APEX2: variants seen among roughly 807,000 people sequenced by gnomAD.
The protein encoded by APEX2 is apurinic/apyrimidinic endodeoxyribonuclease 2.
In APEX2, 4 loss-of-function variants were observed where a neutral mutation model predicts 16.7. The ratio of observed to expected loss-of-function variants is 0.24; its 90% confidence interval spans 0.12 to 0.55. APEX2 has a LOEUF of 0.55. Among genes scored for constraint, APEX2 ranks in the 20% least tolerant of loss-of-function variants. The pLI, the probability that APEX2 is intolerant of heterozygous loss-of-function variation, is 0.94. For missense variants in APEX2, 357 were observed against 433.6 expected (o/e 0.82, Z 1.57); for synonymous variants, 181 against 166.9 (o/e 1.08, Z -0.65).
chrX:55,002,106 A>T, intron 2 of APEX2, 145 bp from the exon 3 acceptor site: 1 of 529,564 alleles, frequency 1.9e-6, no homozygotes, highest in Non-Finnish European at 2.9e-6. Flanking sequence ...AGGAACTGAG[A>T]CTCCAGGGTT....
In APEX2 at chrX:55,002,942, G is replaced by A; in HGVS notation, c.423-20G>A. 2 of 1,203,379 alleles carry A rather than the reference G, an allele frequency of 1.7e-6. No individual in the cohort carries two copies. Among genetic ancestry groups the A allele is most frequent in the Non-Finnish European group, 2.2e-6 (2 of 890,693 alleles). ...GGAGGTTTGAAACTGACCCCTTTTG[G>A]GGGTTTCTCTTTTCTCCAGCACATG... On this transcript the variant is annotated intron_variant, in intron 3 of 5. Coordinates refer to ENST00000374987, the MANE Select transcript of APEX2 (RefSeq NM_014481.4).
In APEX2 at chrX:55,001,606, G is replaced by C. The variant is rs750440342; in HGVS notation, c.218G>C (p.Ser73Thr). Reference protein sequence around the residue: ...VEGYNSYFSFSRNRSGYSGVA... With the variant: ...VEGYNSYFSFTRNRSGYSGVA... ...GGTTATAACTCCTATTTCAGCTTCA[G>C]CCGCAACCGTAGCGGCTATTCTGGT... Residue 73 changes from serine to threonine, a missense_variant, in exon 2 of 6, where the codon AGC becomes ACC. Coordinates refer to ENST00000374987, the MANE Select transcript of APEX2 (RefSeq NM_014481.4). 8.3e-7 allele frequency: 1 copy of C among 1,204,720 alleles called. No individual in the cohort carries two copies. Among genetic ancestry groups the C allele is most frequent in the East Asian group, 3.0e-5 (1 of 33,548 alleles).
In APEX2 at chrX:55,002,426, G is replaced by T. The variant is rs953155693; in HGVS notation, c.417G>T (p.Lys139Asn). The T allele has an allele frequency of 2.4e-5, 28 of 1,187,783 alleles. No individual in the cohort carries two copies. Among genetic ancestry groups the T allele is most frequent in the Non-Finnish European group, 3.0e-5 (27 of 885,951 alleles). The change falls in exon 3 of 6, where the codon AAG (lysine) becomes AAT (asparagine). Residue 139 changes from lysine to asparagine, a missense_variant. Physicochemically the swap from Lys to Asn is moderately conservative, Grantham distance 94. Coordinates refer to ENST00000374987, the MANE Select transcript of APEX2 (RefSeq NM_014481.4). ...GCAGGGCCCTCCTCACACAGCATAAGATCCGGTAATAGCTCATATCTCCCT... is the reference window on the plus strand; with the variant it reads ...GCAGGGCCCTCCTCACACAGCATAATATCCGGTAATAGCTCATATCTCCCT... ...SEGRALLTQHKIRTWEGKEKT... is the reference protein window; with the variant it reads ...SEGRALLTQHNIRTWEGKEKT...
rs28382681 is a variant in APEX2 at position 55,002,528 on chromosome X, G to A, written c.422+97G>A. The A allele has an allele frequency of 5.2e-4, 527 of 1,012,400 alleles. 4 individuals carry two copies. In the East Asian group the frequency reaches 0.014, roughly 28 times the overall value. 83.4% of individuals were successfully genotyped at this position (1,012,400 alleles called of 1,213,427 possible). A position where few individuals can be genotyped will look rare whatever the true frequency, so the allele number is the denominator to read the frequency against. On this transcript the variant is annotated intron_variant, in intron 3 of 5. Transcript: ENST00000374987. Reference sequence around the variant, plus strand: ...GCCATGTAAACATACATGCACCGTGGAGAAGTTCCCAAATTTGCCTTTCCT... The same window carrying A: ...GCCATGTAAACATACATGCACCGTGAAGAAGTTCCCAAATTTGCCTTTCCT...
chrX:55,007,790 T>C lies in APEX2; in HGVS notation c.*355T>C. On this transcript the variant is annotated 3_prime_UTR_variant, in exon 6 of 6. Transcript: ENST00000374987. ...TGTTTCAGGGTTGCACTTTGGACAT[T>C]GTGGAGGTACTCCATAAAGTTGAGT... The C allele has an allele frequency of 5.7e-6, 1 of 174,918 alleles. No homozygotes were observed. Among genetic ancestry groups the C allele is most frequent in the Non-Finnish European group, 1.1e-5 (1 of 93,408 alleles). 14.4% of individuals were successfully genotyped at this position (174,918 alleles called of 1,213,427 possible). A position where few individuals can be genotyped will look rare whatever the true frequency, so the allele number is the denominator to read the frequency against.
At chrX:55,002,848 A>T in intron 3 of APEX2, 114 bp from the exon 4 acceptor site, 1 of 853,914 alleles carries the variant, frequency 1.2e-6, no homozygotes, top group Non-Finnish European at 1.6e-6. Flanking sequence ...GTGTCTCTTT[A>T]ACCCCTTTCT....
In APEX2 at chrX:55,008,847, C is replaced by A; in HGVS notation, c.*1412C>A. Reference sequence around the variant, plus strand: ...TTTATTGAAACCATTGGAGAAGAGCCATCTCAAATAAATCTGCCAAGTATC... The same window carrying A: ...TTTATTGAAACCATTGGAGAAGAGCAATCTCAAATAAATCTGCCAAGTATC... On this transcript the variant is annotated 3_prime_UTR_variant, in exon 6 of 6. Transcript: ENST00000374987. The A allele has an allele frequency of 4.7e-6, 1 of 215,021 alleles. No individual in the cohort carries two copies. Among genetic ancestry groups the A allele is most frequent in the Non-Finnish European group, 8.4e-6 (1 of 118,346 alleles). 17.7% of individuals were successfully genotyped at this position (215,021 alleles called of 1,213,427 possible).
In APEX2 at chrX:55,007,640, T is replaced by TA. The variant is rs1935525683; in HGVS notation, c.*206dup. 2.1e-5 allele frequency: 8 copies of TA among 376,645 alleles called. No individual in the cohort carries two copies. Among genetic ancestry groups the TA allele is most frequent in the Non-Finnish European group, 3.5e-5 (8 of 228,284 alleles). The allele number at this position is 376,645 out of a possible 1,213,427, so 31.0% of individuals were successfully genotyped here. ...GCCTTAATCCTGTGACCCAGCCCCTTACACCACTTTCCACCTTCCTGTCCG... is the reference window on the plus strand; with the variant it reads ...GCCTTAATCCTGTGACCCAGCCCCTTAACACCACTTTCCACCTTCCTGTCCG... On this transcript the variant is annotated 3_prime_UTR_variant, in exon 6 of 6. Coordinates refer to ENST00000374987, the MANE Select transcript of APEX2 (RefSeq NM_014481.4).
chrX:55,006,865 C>T lies in APEX2; in HGVS notation c.987C>T (p.Leu329=). ...GCCCACCTCTGTGCACCCGCTTCCT[C>T]CCTGAGTTTGCAGGCACCCAGCTCA... The part of the protein sequence containing the change: ...KQCPPLCTRF[L]PEFAGTQLKI... The change falls in exon 6 of 6, where the codon CTC becomes CTT. Residue 329 remains leucine, a synonymous_variant. Transcript: ENST00000374987. 1 of 1,212,036 alleles carries T rather than the reference C, an allele frequency of 8.3e-7. No homozygotes were observed. The highest frequency in any genetic ancestry group is 1.8e-5 in the South Asian group (1 of 56,983).
At chrX:55,004,013 T>C in intron 5 of APEX2, 145 bp downstream of exon 5, 1 of 529,699 alleles carries the variant, frequency 1.9e-6, no homozygotes, top group South Asian at 3.0e-5. Flanking sequence ...GTACTGAGGA[T>C]TGGTCATTCA....
intron 3 of APEX2, 108 bp from the exon 4 acceptor site, chrX:55,002,852 CCT>C: frequency 2.3e-6 from 2 of 888,081 alleles, no homozygotes; most frequent in Non-Finnish European, 3.1e-6. Flanking sequence ...CTCTTTAACC[CCT>C]TTCTTTTCCA....
Position 55,006,839 on chromosome X carries a change from T to G in APEX2, c.961T>G (p.Cys321Gly). 8.3e-7 allele frequency: 1 copy of G among 1,211,788 alleles called. No homozygotes were observed. The highest frequency in any genetic ancestry group is 2.2e-5 in the Admixed American group (1 of 46,057). Residue 321 changes from cysteine (C) to glycine (G), a missense_variant, in exon 6 of 6, where the codon TGC (cysteine) becomes GGC (glycine). Cys to Gly is a radical substitution (Grantham distance 159, BLOSUM62 -3). Transcript: ENST00000374987. ...TGTGTCCTCTGTGCCTGCAAAACAG[T>G]GCCCACCTCTGTGCACCCGCTTCCT... ...LSVSSVPAKQ[C>G]PPLCTRFLPE...
chrX:55,007,363 T>C lies in APEX2; in HGVS notation c.1485T>C (p.Cys495=). 1 of 1,199,748 alleles carries C rather than the reference T, an allele frequency of 8.3e-7. No individual in the cohort carries two copies. Among genetic ancestry groups the C allele is most frequent in the Non-Finnish European group, 1.1e-6 (1 of 888,183 alleles). The part of the protein sequence containing the change: ...GPNLGRRFYM[C]ARPRGPPTDP... ...ACTTGGGCCGCCGCTTCTACATGTG[T>C]GCCAGGCCCCGGGGTCCTCCCACTG... Residue 495 remains cysteine (C), a synonymous_variant, in exon 6 of 6, where the codon TGT becomes TGC. Transcript: ENST00000374987.
chrX:55,000,608 C>T lies in APEX2; in HGVS notation c.157+29C>T, dbSNP rs760477098. On this transcript the variant is annotated intron_variant, in intron 1 of 5. Coordinates refer to ENST00000374987, the MANE Select transcript of APEX2 (RefSeq NM_014481.4). The stretch of plus-strand genomic sequence containing the variant: ...AGCGCTCTGGATTCCAGGATCCCTA[C>T]ATACTTTTTCTTTCCCGCTAACTTT... 5.1e-6 allele frequency: 6 copies of T among 1,171,049 alleles called. No individual in the cohort carries two copies. In the South Asian group the frequency reaches 9.9e-5, roughly 19 times the overall value.
rs1000470371 is a variant in APEX2, at chrX:55,008,593, A to G, written c.*1158A>G. 9.0e-6 allele frequency: 1 copy of G among 111,160 alleles called. No homozygotes were observed. The highest frequency in any genetic ancestry group is 1.9e-5 in the Non-Finnish European group (1 of 53,041). The allele number at this position is 111,160 out of a possible 1,213,427, so 9.2% of individuals were successfully genotyped here. ...CTCCAAAAAAAAAAAAAGAAAAGAA[A>G]AAGAATGGGACTGGTAAATCCTGTT... On this transcript the variant is annotated 3_prime_UTR_variant, in exon 6 of 6. Transcript: ENST00000374987.
chrX:55,002,122 A>G, intron 2 of APEX2, 129 bp from the exon 3 acceptor site: 2 of 629,591 alleles, frequency 3.2e-6, no homozygotes, highest in South Asian at 3.8e-5. Context: ...GGGTTTGAAT[A>G]AGGTTGCCCA....
At chrX:55,001,425 G>A (rs898011348) in intron 1 of APEX2, 121 bp from the exon 2 acceptor site, 10 of 436,371 alleles carry the variant, frequency 2.3e-5, no homozygotes, top group Non-Finnish European at 3.7e-5. Flanking sequence ...TTTCATTCCC[G>A]TCACCCCCAA....
At position 55,006,775 on chromosome X, in the gene APEX2, G is replaced by A. The variant is rs915100513; in HGVS notation, c.897G>A (p.Val299=). ...TFQASFLLPE[V]MGSDHCPVGA... ...AGGCCTCTTTCCTGCTGCCTGAGGT[G>A]ATGGGCTCTGACCACTGCCCTGTGG... The change falls in exon 6 of 6, where the codon GTG becomes GTA. Residue 299 remains valine, a synonymous_variant. Coordinates refer to ENST00000374987, the MANE Select transcript of APEX2 (RefSeq NM_014481.4). 5.0e-6 allele frequency: 6 copies of A among 1,210,738 alleles called. No individual in the cohort carries two copies. Among genetic ancestry groups the A allele is most frequent in the Non-Finnish European group, 5.6e-6 (5 of 894,928 alleles).
chrX:55,003,875 C>T lies in APEX2; in HGVS notation c.639+7C>T, dbSNP rs1424369783. 2 of 1,207,732 alleles carry T rather than the reference C, an allele frequency of 1.7e-6. No individual in the cohort carries two copies. The highest frequency in any genetic ancestry group is 2.2e-6 in the Non-Finnish European group (2 of 892,854). On this transcript the variant is annotated splice_region_variant and intron_variant, in intron 5 of 5. Transcript: ENST00000374987. The stretch of plus-strand genomic sequence containing the variant: ...CTGGGATGCAGTCAACCTGGTAAGG[C>T]TCCCTCTAGGTGCCTGGCCCCACTC...
Sources: gnomAD v4.1 joint callset for allele counts on GRCh38, gnomAD v4.1.1 for gene constraint, MANE v1.5 for transcripts, NCBI Gene and HGNC (gene_info 2026-07-23, HGNC 2026-07-21) for gene names.